Variants in GALNT7 observed in about 807,000 individuals in gnomAD.
GALNT7 encodes the protein polypeptide N-acetylgalactosaminyltransferase 7, also known as N-acetylgalactosaminyltransferase 7.
A neutral mutation model predicts 82.1 loss-of-function variants in GALNT7; 60 were observed. The observed-to-expected ratio is 0.73, with a 90% confidence interval of 0.59 to 0.91. The LOEUF (loss-of-function observed/expected upper bound fraction) is 0.91, where lower values mean the gene tolerates loss of function less well. Among genes scored for constraint, GALNT7 ranks in the 40% least tolerant of loss-of-function variants. The probability of loss-of-function intolerance (pLI) is 0.00; values close to 1 mark genes in which losing one functional copy is unlikely to be tolerated. For synonymous variants in GALNT7, 243 were observed against 275.1 expected (o/e 0.88, Z 1.15); for missense variants, 660 against 804.2 (o/e 0.82, Z 2.17).
chr4:173,227,635 T>C (rs1733879066), intron 1 of GALNT7, among the ~76,000 whole-genome samples: 3 of 152,166 alleles, frequency 2.0e-5, no homozygotes, highest in African/African-American at 4.8e-5. Context: ...CTGGCCTCCT[T>C]CTTTTTTATA....
intron 6 of GALNT7, among the ~76,000 whole-genome samples, chr4:173,301,002 G>A (rs1283615103): frequency 6.6e-6 from 1 of 152,024 alleles, no homozygotes; most frequent in Non-Finnish European, 1.5e-5. Flanking sequence ...GGATGTGTTG[G>A]TGTGCGCTTG....
At chr4:173,279,411 C>T (rs1736029863) in intron 2 of GALNT7, among the ~76,000 whole-genome samples, 1 of 152,156 alleles carries the variant, frequency 6.6e-6, no homozygotes, top group African/African-American at 2.4e-5. Context: ...TCCCACCAGG[C>T]CCCACCTCCA....
At chr4:173,229,357 A>G (rs1175471061) in intron 1 of GALNT7, among the ~76,000 whole-genome samples, 1 of 152,172 alleles carries the variant, frequency 6.6e-6, no homozygotes, top group African/African-American at 2.4e-5. Context: ...GGAAATTTTT[A>G]TTGAAATAAA....
At chr4:173,215,747 C>T (rs569499671) in intron 1 of GALNT7, among the ~76,000 whole-genome samples, 2 of 152,270 alleles carry the variant, frequency 1.3e-5, no homozygotes, top group African/African-American at 4.8e-5. Context: ...TATTTTGAAA[C>T]TGTTCCAGTA....
In GALNT7 at chr4:173,183,760, G is replaced by A. The variant is rs558816987; in HGVS notation, c.126+14799G>A. Among the ~76,000 whole-genome samples the A allele has an allele frequency of 3.6e-3, 543 of 151,280 alleles. 7 individuals are homozygous for A. The highest frequency in any genetic ancestry group is 0.013 in the African/African-American group (515 of 41,196). ...GGGTCTGCCCCCCACCTCCCGGACG[G>A]GGCGGCTGGCCTGGCAGGGACTGCC... On this transcript the variant is annotated intron_variant, in intron 1 of 11. Transcript: ENST00000265000.
At chr4:173,208,286 T>C (rs1038832144) in intron 1 of GALNT7, among the ~76,000 whole-genome samples, 1 of 152,240 alleles carries the variant, frequency 6.6e-6, no homozygotes, top group African/African-American at 2.4e-5. Context: ...CAATTCTTTA[T>C]ATTTTTGTTT....
intron 2 of GALNT7, among the ~76,000 whole-genome samples, chr4:173,260,172 C>T (rs939866840): frequency 6.6e-5 from 10 of 152,182 alleles, no homozygotes; most frequent in African/African-American, 2.4e-4. Context: ...AGTCCTTGCT[C>T]AGTGTCTTCA....
intron 2 of GALNT7, among the ~76,000 whole-genome samples, chr4:173,290,347 A>G (rs971176011): frequency 6.6e-6 from 1 of 152,244 alleles, no homozygotes; most frequent in African/African-American, 2.4e-5. Flanking sequence ...TGTAAGTCTT[A>G]TACATGCTCA....
intron 1 of GALNT7, among the ~76,000 whole-genome samples, chr4:173,232,834 A>G (rs1734074880): frequency 6.6e-6 from 1 of 152,180 alleles, no homozygotes; most frequent in Non-Finnish European, 1.5e-5. Context: ...GGTACTGAAC[A>G]CTAGAACTTA....
chr4:173,220,583 G>A (rs1234508723), intron 1 of GALNT7, among the ~76,000 whole-genome samples: 1 of 151,890 alleles, frequency 6.6e-6, no homozygotes, highest in Non-Finnish European at 1.5e-5. Flanking sequence ...CATGTGACAT[G>A]CTGGTGCGCT....
intron 1 of GALNT7, among the ~76,000 whole-genome samples, chr4:173,186,922 G>A (rs1579891448): frequency 6.6e-6 from 1 of 151,920 alleles, no homozygotes; most frequent in Non-Finnish European, 1.5e-5. Flanking sequence ...ATACCACCAT[G>A]CCCAGCTAAT....
chr4:173,204,874 G>GT (rs1205667476), intron 1 of GALNT7, among the ~76,000 whole-genome samples: 1 of 152,118 alleles, frequency 6.6e-6, no homozygotes, highest in African/African-American at 2.4e-5. Flanking sequence ...TGTTTTTCAT[G>GT]TTTTTTGTTG....
chr4:173,201,912 T>C (rs983640266), intron 1 of GALNT7, among the ~76,000 whole-genome samples: 1 of 152,226 alleles, frequency 6.6e-6, no homozygotes, highest in African/African-American at 2.4e-5. Flanking sequence ...ACAAGTCTTT[T>C]TGTCAATAGA....
chr4:173,179,752 G>C (rs1347483966), intron 1 of GALNT7, among the ~76,000 whole-genome samples: 1 of 151,984 alleles, frequency 6.6e-6, no homozygotes, highest in Non-Finnish European at 1.5e-5. Flanking sequence ...GTGAGAATTT[G>C]GTTTTTAAAA....
chr4:173,221,034 GT>G (rs1435314849), intron 1 of GALNT7, among the ~76,000 whole-genome samples: 1 of 151,230 alleles, frequency 6.6e-6, no homozygotes, highest in African/African-American at 2.4e-5. Context: ...GGATGGCTGG[GT>G]CAAATGGTAT....
chr4:173,273,829 C>T (rs1035024236), intron 2 of GALNT7, among the ~76,000 whole-genome samples: 3 of 152,122 alleles, frequency 2.0e-5, no homozygotes, highest in African/African-American at 7.2e-5. Flanking sequence ...TTGTAAGCTG[C>T]TCAAAGTCCT....
At chr4:173,230,545 A>G (rs1280365162) in intron 1 of GALNT7, among the ~76,000 whole-genome samples, 6 of 152,306 alleles carry the variant, frequency 3.9e-5, no homozygotes, top group African/African-American at 1.4e-4. Flanking sequence ...ATGTTTTAAT[A>G]TGAGTATAAT....
chr4:173,172,624 C>T (rs1473356687), intron 1 of GALNT7, among the ~76,000 whole-genome samples: 1 of 152,130 alleles, frequency 6.6e-6, no homozygotes, highest in African/African-American at 2.4e-5. Context: ...CTGCCCTGCT[C>T]ATGTCTGCCT....
chr4:173,215,642 G>A (rs1733421260), intron 1 of GALNT7, among the ~76,000 whole-genome samples: 1 of 152,168 alleles, frequency 6.6e-6, no homozygotes, highest in Admixed American at 6.5e-5. Flanking sequence ...GACTTGAGAA[G>A]TTTCAGGATG....
Sources: gnomAD v4.1 joint callset for allele counts (sites outside exome capture counted in the v4.1 genomes callset) on GRCh38, gnomAD v4.1.1 for gene constraint, MANE v1.5 for transcripts, NCBI Gene and HGNC (gene_info 2026-07-23, HGNC 2026-07-21) for gene names.